The following CCDC91 variants were observed in gnomAD, a reference collection of about 807,000 sequenced individuals.
CCDC91 encodes the protein coiled-coil domain-containing protein 91.
CCDC91 carries 48 observed loss-of-function variants against 63.2 expected under a neutral mutation model. That is an observed-to-expected ratio of 0.76 (90% CI 0.60 to 0.97). The LOEUF (loss-of-function observed/expected upper bound fraction) is 0.97, where lower values mean the gene tolerates loss of function less well. CCDC91 is among the 50% of genes least tolerant of loss of function. CCDC91 has a pLI of 0.00. For missense variants in CCDC91, 500 were observed against 494.6 expected, an observed-to-expected ratio of 1.01 and a Z score of -0.10; for synonymous variants, 167 against 165.8, an observed-to-expected ratio of 1.01 and a Z score of -0.06.
At chr12:28,254,230 C>T (rs1295292977) in intron 1 of CCDC91, among the ~76,000 whole-genome samples, 1 of 152,158 alleles carries the variant, frequency 6.6e-6, no homozygotes, top group African/African-American at 2.4e-5. Flanking sequence ...ATTGTGAAAA[C>T]TTTCAGCGTA....
chr12:28,200,231 C>T (rs947419281), intron 1 of CCDC91, among the ~76,000 whole-genome samples: 1 of 141,066 alleles, frequency 7.1e-6, no homozygotes, highest in East Asian at 2.0e-4. Flanking sequence ...TTGAACTCTT[C>T]TAGTGAATTT....
chr12:28,296,250 C>G (rs542383939), intron 3 of CCDC91, among the ~76,000 whole-genome samples: 2 of 151,566 alleles, frequency 1.3e-5, no homozygotes, highest in South Asian at 4.2e-4. Flanking sequence ...GATTACGAGG[C>G]CTCTTCCTCT....
At chr12:28,257,541 A>T (rs923740128) in intron 2 of CCDC91, among the ~76,000 whole-genome samples, 1 of 152,110 alleles carries the variant, frequency 6.6e-6, no homozygotes, top group Non-Finnish European at 1.5e-5. Flanking sequence ...TCAGCAGATG[A>T]TTTTATTGGG....
chr12:28,485,046 TTGG>T (rs1315968258), intron 12 of CCDC91, among the ~76,000 whole-genome samples: 1 of 151,884 alleles, frequency 6.6e-6, no homozygotes, highest in Non-Finnish European at 1.5e-5. Flanking sequence ...CTAAACTTAA[TTGG>T]TGGTCAAAAT....
chr12:28,211,671 A>C (rs1489101984), intron 1 of CCDC91, among the ~76,000 whole-genome samples: 1 of 152,128 alleles, frequency 6.6e-6, no homozygotes, highest in African/African-American at 2.4e-5. Context: ...TGTAAGCTGG[A>C]AGGAACTCAG....
At chr12:28,193,806 T>C (rs1941489339) in intron 1 of CCDC91, among the ~76,000 whole-genome samples, 1 of 152,350 alleles carries the variant, frequency 6.6e-6, no homozygotes, top group South Asian at 2.1e-4. Context: ...TTCTAACATA[T>C]TGAGCGTCTT....
At chr12:28,219,609 C>G (rs1943798620) in intron 1 of CCDC91, among the ~76,000 whole-genome samples, 1 of 151,630 alleles carries the variant, frequency 6.6e-6, no homozygotes, top group South Asian at 2.1e-4. Flanking sequence ...GTAGCTGGGA[C>G]TACAGGTGTC....
At chr12:28,296,693 A>G (rs1323850836) in intron 3 of CCDC91, among the ~76,000 whole-genome samples, 1 of 151,926 alleles carries the variant, frequency 6.6e-6, no homozygotes. Flanking sequence ...CCCTCCTTGG[A>G]TAGAAACAAG....
intron 6 of CCDC91, among the ~76,000 whole-genome samples, chr12:28,328,562 A>G (rs1941222902): frequency 6.6e-6 from 1 of 152,176 alleles, no homozygotes; most frequent in African/African-American, 2.4e-5. Context: ...TGGAAGTTGT[A>G]TAGACATTTC....
At chr12:28,502,509 A>G (rs1164407034) in intron 12 of CCDC91, among the ~76,000 whole-genome samples, 5 of 150,802 alleles carry the variant, frequency 3.3e-5, no homozygotes, top group Admixed American at 6.6e-5. Context: ...CATACTGCCC[A>G]AGGTAATTTA....
intron 12 of CCDC91, among the ~76,000 whole-genome samples, chr12:28,520,589 G>C (rs1592937679): frequency 6.6e-6 from 1 of 152,250 alleles, no homozygotes; most frequent in African/African-American, 2.4e-5. Context: ...GATCCCATTT[G>C]TCAATTTTGG....
chr12:28,366,024 G>C (rs1450170532), intron 7 of CCDC91, among the ~76,000 whole-genome samples: 3 of 152,004 alleles, frequency 2.0e-5, no homozygotes, highest in Non-Finnish European at 4.4e-5. Context: ...AAAATACCAA[G>C]TAAAGTAAAA....
At chr12:28,442,846 G>A (rs896791630) in intron 8 of CCDC91, among the ~76,000 whole-genome samples, 6 of 152,002 alleles carry the variant, frequency 3.9e-5, no homozygotes, top group Middle Eastern at 3.2e-3. Context: ...AAGTATGTTT[G>A]TTTGTTTGTT....
At chr12:28,275,992 A>G (rs1486824062) in intron 3 of CCDC91, among the ~76,000 whole-genome samples, 2 of 152,138 alleles carry the variant, frequency 1.3e-5, no homozygotes, top group Non-Finnish European at 2.9e-5. Context: ...AGAGCTATCT[A>G]TGACAAACCC....
chr12:28,447,713 A>AAGGGCAGGGCAGGGC (rs758786357), intron 8 of CCDC91, among the ~76,000 whole-genome samples: 1 of 58,970 alleles, frequency 1.7e-5, no homozygotes, highest in Non-Finnish European at 3.3e-5. Context: ...GAAGAATGGG[A>AAGGGCAGGGCAGGGC]AGGGCAGGGC....
At chr12:28,362,572 T>A in intron 7 of CCDC91, 57 bp downstream of exon 7, 1 of 1,072,598 alleles carries the variant, frequency 9.3e-7, no homozygotes, top group Non-Finnish European at 1.4e-6. Flanking sequence ...GTAAAAAATG[T>A]ACACATGTAG....
intron 8 of CCDC91, among the ~76,000 whole-genome samples, chr12:28,449,195 A>C (rs1389395006): frequency 6.6e-6 from 1 of 152,080 alleles, no homozygotes; most frequent in Admixed American, 6.5e-5. Flanking sequence ...CTGTTTGGTC[A>C]CTTACTCTCA....
chr12:28,293,116 A>C (rs912482192), intron 3 of CCDC91, among the ~76,000 whole-genome samples: 1 of 152,358 alleles, frequency 6.6e-6, no homozygotes, highest in South Asian at 2.1e-4. Context: ...TTATTAATAT[A>C]CATTATAAAA....
intron 6 of CCDC91, among the ~76,000 whole-genome samples, chr12:28,316,445 C>G (rs972466021): frequency 5.4e-5 from 8 of 148,952 alleles, no homozygotes; most frequent in African/African-American, 2.0e-4. Flanking sequence ...TTATGTTGTT[C>G]TTTAATCTAC....
Sources: allele counts gnomAD v4.1 joint callset (sites outside exome capture counted in the v4.1 genomes callset), GRCh38; gene constraint gnomAD v4.1.1; transcripts MANE v1.5; gene names NCBI Gene and HGNC (gene_info 2026-07-23, HGNC 2026-07-21).